Variants in MAPK8 observed in about 807,000 individuals in gnomAD.
MAPK8 encodes the protein mitogen-activated protein kinase 8, also known as JUN N-terminal kinase.
A neutral mutation model predicts 52.9 loss-of-function variants in MAPK8; 13 were observed. That is an observed-to-expected ratio of 0.25 (90% CI 0.16 to 0.39). MAPK8 has a LOEUF of 0.39. MAPK8 is among the 10% of genes least tolerant of loss of function. The pLI is 1.00. For synonymous variants in MAPK8, 191 were observed against 169.8 expected (o/e 1.12, Z -0.97); for missense variants, 300 against 519.2 (o/e 0.58, Z 4.10).
intron 1 of MAPK8, among the ~76,000 whole-genome samples, chr10:48,359,150 T>C (rs1217235346): frequency 1.3e-5 from 2 of 152,228 alleles, no homozygotes; most frequent in Non-Finnish European, 2.9e-5. Context: ...TTCTTCCTTT[T>C]ACTATATTCT....
At chr10:48,424,772 C>T (rs530996843) in intron 7 of MAPK8, among the ~76,000 whole-genome samples, 1 of 152,040 alleles carries the variant, frequency 6.6e-6, no homozygotes, top group Non-Finnish European at 1.5e-5. Flanking sequence ...TAATTCTGAA[C>T]CCTGCTCAAT....
intron 1 of MAPK8, among the ~76,000 whole-genome samples, chr10:48,308,982 A>G (rs1024124347): frequency 6.6e-6 from 1 of 152,222 alleles, no homozygotes; most frequent in Non-Finnish European, 1.5e-5. Flanking sequence ...TAAAGTGGAA[A>G]TGAAGAAATA....
chr10:48,424,690 T>C (rs1317729770), intron 7 of MAPK8: 1 of 598,378 alleles, frequency 1.7e-6, no homozygotes, highest in East Asian at 3.0e-5. Context: ...TAATATATTG[T>C]TAAATTACTC....
intron 1 of MAPK8, among the ~76,000 whole-genome samples, chr10:48,369,681 G>C (rs888884017): frequency 4.6e-5 from 7 of 152,148 alleles, no homozygotes; most frequent in Non-Finnish European, 1.0e-4. Flanking sequence ...CTGAGGGCTA[G>C]CAGAGGGGGG....
At chr10:48,394,257 C>T (rs2041777789) in intron 1 of MAPK8, among the ~76,000 whole-genome samples, 2 of 151,852 alleles carry the variant, frequency 1.3e-5, no homozygotes, top group African/African-American at 4.8e-5. Context: ...AGAGGGAACA[C>T]TGTTGCAACT....
At chr10:48,344,912 A>G (rs1247585308) in intron 1 of MAPK8, among the ~76,000 whole-genome samples, 1 of 152,186 alleles carries the variant, frequency 6.6e-6, no homozygotes, top group Non-Finnish European at 1.5e-5. Context: ...ACCGAAATCC[A>G]GGTAGAGTCA....
intron 1 of MAPK8, among the ~76,000 whole-genome samples, chr10:48,338,507 T>G (rs1844917315): frequency 6.6e-6 from 1 of 152,114 alleles, no homozygotes; most frequent in East Asian, 1.9e-4. Flanking sequence ...GCATTTCCCC[T>G]AAGAACCAGA....
intron 1 of MAPK8, among the ~76,000 whole-genome samples, chr10:48,313,425 ACT>A (rs1588901674): frequency 5.3e-5 from 8 of 151,680 alleles, no homozygotes; most frequent in Admixed American, 3.9e-4. Context: ...AGAGGTGTAG[ACT>A]CTGTCTCAAA....
intron 1 of MAPK8, among the ~76,000 whole-genome samples, chr10:48,386,409 C>G (rs1202851740): frequency 6.6e-6 from 1 of 151,984 alleles, no homozygotes; most frequent in Non-Finnish European, 1.5e-5. Context: ...CTTTTGAGTA[C>G]CTTGGGAAAT....
At chr10:48,348,636 A>G (rs1443844726) in intron 1 of MAPK8, among the ~76,000 whole-genome samples, 1 of 152,200 alleles carries the variant, frequency 6.6e-6, no homozygotes, top group Non-Finnish European at 1.5e-5. Flanking sequence ...CCATTTGTTA[A>G]GTAGGGAATC....
chr10:48,423,557 C>T (rs1485449793), intron 6 of MAPK8, among the ~76,000 whole-genome samples: 1 of 152,060 alleles, frequency 6.6e-6, no homozygotes, highest in Non-Finnish European at 1.5e-5. Context: ...TTGGGAAATC[C>T]AGTTTAAAAA....
chr10:48,431,825 G>A (rs1053658454), intron 11 of MAPK8, among the ~76,000 whole-genome samples: 10 of 152,128 alleles, frequency 6.6e-5, no homozygotes, highest in African/African-American at 2.4e-4. Flanking sequence ...AAAGTATAAA[G>A]AATAGAGGGG....
At chr10:48,403,917 T>TTTTGTGTG (rs1554830229) in intron 2 of MAPK8, among the ~76,000 whole-genome samples, 10 of 125,748 alleles carry the variant, frequency 8.0e-5, no homozygotes, top group African/African-American at 2.5e-4. Context: ...CCCGGCTAAT[T>TTTTGTGTG]TGTGTGTGTG....
intron 10 of MAPK8, among the ~76,000 whole-genome samples, chr10:48,428,993 G>GTT (rs111540494): frequency 0.015 from 2,102 of 138,584 alleles, 38 homozygotes; most frequent in African/African-American, 0.048. Flanking sequence ...GGCTAATTTT[G>GTT]TTTTTTTTTT....
At chr10:48,350,988 A>G (rs7084326) in intron 1 of MAPK8, among the ~76,000 whole-genome samples, 124,317 of 152,140 alleles carry the variant, frequency 0.82, 51,068 homozygotes, top group African/African-American at 0.91. Flanking sequence ...CAAACAGAGA[A>G]CCAAATCATG....
At chr10:48,339,364 GGGAAAACTGGCTAGCCATAT>G (rs1377419029) in intron 1 of MAPK8, among the ~76,000 whole-genome samples, 1 of 152,106 alleles carries the variant, frequency 6.6e-6, no homozygotes, top group Non-Finnish European at 1.5e-5. Flanking sequence ...AAATGGTGCT[GGGAAAACTGGCTAGCCATAT>G]GTAGAAGAAT....
intron 1 of MAPK8, among the ~76,000 whole-genome samples, chr10:48,339,208 A>G (rs1384582182): frequency 6.6e-6 from 1 of 152,240 alleles, no homozygotes; most frequent in Non-Finnish European, 1.5e-5. Flanking sequence ...ATTGTAACCA[A>G]AATAGCACGG....
chr10:48,358,134 C>T (rs1037333014), intron 1 of MAPK8, among the ~76,000 whole-genome samples: 1 of 152,148 alleles, frequency 6.6e-6, no homozygotes, highest in Non-Finnish European at 1.5e-5. Context: ...TGTGTATCCA[C>T]GTTTTTGTTT....
At chr10:48,315,316 A>G (rs1753338270) in intron 1 of MAPK8, among the ~76,000 whole-genome samples, 1 of 152,142 alleles carries the variant, frequency 6.6e-6, no homozygotes, top group South Asian at 2.1e-4. Context: ...TTGCCTTTGT[A>G]TACACTTGTG....
Sources: allele counts gnomAD v4.1 joint callset (sites outside exome capture counted in the v4.1 genomes callset), GRCh38; gene constraint gnomAD v4.1.1; transcripts MANE v1.5; gene names NCBI Gene and HGNC (gene_info 2026-07-23, HGNC 2026-07-21).